Variants in NETO2 observed in about 807,000 individuals in gnomAD.
NETO2 encodes the protein neuropilin and tolloid like 2.
NETO2 carries 28 observed loss-of-function variants against 62.5 expected under a neutral mutation model. The ratio of observed to expected loss-of-function variants is 0.45; its 90% CI spans 0.33 to 0.61. The LOEUF (loss-of-function observed/expected upper bound fraction) is 0.61, where lower values mean the gene tolerates loss of function less well. Ranked by LOEUF, NETO2 falls within the 20% of genes least tolerant of loss-of-function variation. The pLI is 0.02. For synonymous variants in NETO2, 214 were observed against 219.1 expected, an observed-to-expected ratio of 0.98 and a Z score of 0.21; for missense variants, 548 against 643.2, an observed-to-expected ratio of 0.85 and a Z score of 1.60.
chr16:47,113,216 A>G (rs527607505), intron 6 of NETO2, among the ~76,000 whole-genome samples: 2 of 152,208 alleles, frequency 1.3e-5, no homozygotes, highest in East Asian at 1.9e-4. Context: ...TTCTCTTTAC[A>G]GTTGAATTCT....
chr16:47,118,687 C>A (rs563884259), intron 6 of NETO2, among the ~76,000 whole-genome samples: 1 of 152,172 alleles, frequency 6.6e-6, no homozygotes, highest in Non-Finnish European at 1.5e-5. Context: ...ATCTGTGTAC[C>A]CAGCTTCCAA....
intron 6 of NETO2, among the ~76,000 whole-genome samples, chr16:47,119,558 C>T (rs929899001): frequency 4.0e-5 from 6 of 151,272 alleles, no homozygotes; most frequent in African/African-American, 1.5e-4. Flanking sequence ...TTTGTATCTT[C>T]GTTTTTTTTT....
chr16:47,085,346 G>A (rs1217622349), intron 8 of NETO2, among the ~76,000 whole-genome samples: 1 of 151,002 alleles, frequency 6.6e-6, no homozygotes, highest in East Asian at 1.9e-4. Flanking sequence ...TTCAACAACA[G>A]TAACAAAATA....
At chr16:47,124,491 C>T (rs1480975656) in intron 4 of NETO2, among the ~76,000 whole-genome samples, 3 of 152,096 alleles carry the variant, frequency 2.0e-5, no homozygotes, top group African/African-American at 7.2e-5. Flanking sequence ...GATTTACCAC[C>T]TCCTAGACAA....
At position 47,109,485 on chromosome 16, in the gene NETO2, T is replaced by C. The variant is rs1205732736; in HGVS notation, c.881A>G (p.Glu294Gly). 3.7e-6 allele frequency: 6 copies of C among 1,610,294 alleles called. No individual in the cohort carries two copies. The Admixed American group carries it at 1.0e-4, about 27-fold the overall frequency. The change falls in exon 7 of 9, where the codon GAG becomes GGG. Residue 294 changes from glutamate (E) to glycine (G), a missense_variant and splice_region_variant. Coordinates refer to ENST00000562435, the MANE Select transcript of NETO2 (RefSeq NM_018092.5). The stretch of plus-strand genomic sequence containing the variant: ...TACTATAGGAATTATTTACTTACGC[T>C]CCACAAAGGAAGTAAAGAGCATTCG... ...RFRMLFTSFVEPPCTSSTFFC... is the reference protein window; with the variant it reads ...RFRMLFTSFVGPPCTSSTFFC...
In NETO2 at chr16:47,122,098, T is replaced by C. The variant is rs368639553; in HGVS notation, c.654+559A>G. On this transcript the variant is annotated intron_variant, in intron 6 of 8. Transcript: ENST00000562435. The stretch of plus-strand genomic sequence containing the variant: ...ATAATTTTAACTCTGTTGATATTCC[T>C]AGAAGTATACATTAAATGCAAAAGT... Among the ~76,000 whole-genome samples, 363 of 152,352 alleles carry C rather than the reference T, an allele frequency of 2.4e-3. 13 individuals are homozygous for C. In the South Asian group the frequency reaches 0.073, roughly 31 times the overall value.
intron 7 of NETO2, among the ~76,000 whole-genome samples, chr16:47,104,076 G>GC: frequency 6.6e-6 from 1 of 152,028 alleles, no homozygotes; most frequent in Admixed American, 6.6e-5. Context: ...GAAGATAAAA[G>GC]GTTTTCTCTG....
chr16:47,109,864 T>C (rs1292921493), intron 6 of NETO2, among the ~76,000 whole-genome samples, 153 bp from the exon 7 acceptor site: 2 of 152,198 alleles, frequency 1.3e-5, no homozygotes, highest in African/African-American at 2.4e-5. Flanking sequence ...TGAGAGGAAC[T>C]AAGATTAATG....
chr16:47,085,454 T>C (rs889530551), intron 8 of NETO2, among the ~76,000 whole-genome samples: 1 of 152,004 alleles, frequency 6.6e-6, no homozygotes, highest in Non-Finnish European at 1.5e-5. Context: ...CAATCTCGGC[T>C]CACTGCAACC....
intron 6 of NETO2, among the ~76,000 whole-genome samples, chr16:47,115,714 C>CATATATATATATACATACAT (rs1555498121): frequency 5.4e-5 from 7 of 128,504 alleles, no homozygotes; most frequent in African/African-American, 2.5e-4. Flanking sequence ...TATATATATA[C>CATATATATATATACATACAT]ATATATATAT....
intron 1 of NETO2, among the ~76,000 whole-genome samples, chr16:47,143,205 G>A (rs1233229206): frequency 1.3e-5 from 2 of 152,086 alleles, no homozygotes; most frequent in Admixed American, 6.5e-5. Context: ...AGCGGCCTCC[G>A]CTCCACGACA....
chr16:47,100,722 G>A (rs1963522182), intron 7 of NETO2, among the ~76,000 whole-genome samples: 1 of 152,040 alleles, frequency 6.6e-6, no homozygotes, highest in Admixed American at 6.6e-5. Context: ...ATAAATTCCT[G>A]GACACATACA....
At chr16:47,098,227 T>C (rs1337054419) in intron 7 of NETO2, among the ~76,000 whole-genome samples, 1 of 152,030 alleles carries the variant, frequency 6.6e-6, no homozygotes, top group Non-Finnish European at 1.5e-5. Context: ...AACAAACTTC[T>C]CCGAGCTAAA....
intron 7 of NETO2, among the ~76,000 whole-genome samples, chr16:47,094,969 CA>C (rs1567381815): frequency 1.3e-5 from 2 of 152,154 alleles, no homozygotes; most frequent in East Asian, 3.9e-4. Context: ...CTCGGCCTCA[CA>C]AAAGCTGGAA....
At chr16:47,100,371 C>T (rs892247668) in intron 7 of NETO2, among the ~76,000 whole-genome samples, 4 of 151,882 alleles carry the variant, frequency 2.6e-5, no homozygotes, top group East Asian at 1.9e-4. Flanking sequence ...GATCTAAAAT[C>T]GACACCCTAA....
At chr16:47,141,827 G>A (rs1464874187) in intron 1 of NETO2, among the ~76,000 whole-genome samples, 1 of 152,204 alleles carries the variant, frequency 6.6e-6, no homozygotes, top group East Asian at 1.9e-4. Flanking sequence ...TTTCCTGAAA[G>A]GTACAACACT....
chr16:47,094,416 C>T (rs13330194), intron 7 of NETO2, among the ~76,000 whole-genome samples: 20,590 of 149,400 alleles, frequency 0.14, 2,960 homozygotes, highest in African/African-American at 0.38. Flanking sequence ...TATTTATTTA[C>T]TTATTTATTT....
chr16:47,131,275 A>G (rs1391195616), intron 2 of NETO2, among the ~76,000 whole-genome samples: 1 of 152,156 alleles, frequency 6.6e-6, no homozygotes, highest in Non-Finnish European at 1.5e-5. Context: ...TCCACGGTGA[A>G]AAATCATTAT....
At chr16:47,114,439 CTTTTTTTTTTTTTTTT>C (rs33994080) in intron 6 of NETO2, among the ~76,000 whole-genome samples, 4 of 37,928 alleles carry the variant, frequency 1.1e-4, no homozygotes, top group East Asian at 7.8e-4. Context: ...TTATAAATTT[CTTTTTTTTTTTTTTTT>C]TTTTTTTTTT....
Sources: gnomAD v4.1 joint callset for allele counts (sites outside exome capture counted in the v4.1 genomes callset) on GRCh38, gnomAD v4.1.1 for gene constraint, MANE v1.5 for transcripts, NCBI Gene and HGNC (gene_info 2026-07-23, HGNC 2026-07-21) for gene names.